Variants in ERBB4 observed in about 807,000 individuals in gnomAD.
The protein encoded by ERBB4 is receptor tyrosine-protein kinase erbB-4.
A neutral mutation model predicts 158.0 loss-of-function variants in ERBB4; 42 were observed. The ratio of observed to expected loss-of-function variants is 0.27; its 90% CI spans 0.21 to 0.34. The LOEUF (loss-of-function observed/expected upper bound fraction) is 0.34, where lower values mean the gene tolerates loss of function less well. Among genes scored for constraint, ERBB4 ranks in the 10% least tolerant of loss-of-function variants. The pLI is 1.00. For missense variants in ERBB4, 1,333 were observed against 1,624.1 expected (o/e 0.82, Z 3.08); for synonymous variants, 583 against 558.7 (o/e 1.04, Z -0.61).
chr2:211,768,166 T>C (rs1268609886), intron 4 of ERBB4, among the ~76,000 whole-genome samples: 1 of 152,204 alleles, frequency 6.6e-6, no homozygotes, highest in Non-Finnish European at 1.5e-5. Flanking sequence ...AACTCTGTAA[T>C]GATCTCCTTT....
chr2:212,370,247 C>G (rs2090040519), intron 1 of ERBB4, among the ~76,000 whole-genome samples: 1 of 152,166 alleles, frequency 6.6e-6, no homozygotes, highest in South Asian at 2.1e-4. Flanking sequence ...TCCTGCTGCC[C>G]TCTGAAGAGG....
At chr2:212,105,605 A>C (rs2079202611) in intron 2 of ERBB4, among the ~76,000 whole-genome samples, 1 of 152,236 alleles carries the variant, frequency 6.6e-6, no homozygotes, top group Non-Finnish European at 1.5e-5. Flanking sequence ...TTTGTGTCGA[A>C]AAATGTTTCA....
At chr2:211,521,645 G>C (rs2066188455) in intron 20 of ERBB4, among the ~76,000 whole-genome samples, 1 of 152,136 alleles carries the variant, frequency 6.6e-6, no homozygotes, top group African/African-American at 2.4e-5. Flanking sequence ...TGCCATCTAG[G>C]ATTTTTATAG....
rs966503196 is a variant in ERBB4, at chr2:211,377,732, T to G, written c.*5883A>C. On this transcript the variant is annotated 3_prime_UTR_variant, in exon 28 of 28. Coordinates refer to ENST00000342788, the MANE Select transcript of ERBB4 (RefSeq NM_005235.3). ...AAGTTAATTTACTGGCAAAAATAAC[T>G]TCTTGGTTATATGTACAGCTTTTAT... The G allele has an allele frequency of 4.3e-6, 1 of 232,378 alleles. No individual in the cohort carries two copies. The highest frequency in any genetic ancestry group is 8.5e-6 in the Non-Finnish European group (1 of 117,574). 14.4% of individuals were successfully genotyped at this position (232,378 alleles called of 1,614,324 possible). A position where few individuals can be genotyped will look rare whatever the true frequency, so the allele number is the denominator to read the frequency against.
At chr2:211,990,158 T>G (rs1046965125) in intron 2 of ERBB4, among the ~76,000 whole-genome samples, 15 of 152,046 alleles carry the variant, frequency 9.9e-5, no homozygotes, top group Admixed American at 4.6e-4. Flanking sequence ...TTAAACAATT[T>G]CTAGGCATTT....
chr2:211,966,250 A>G (rs927655402), intron 2 of ERBB4, among the ~76,000 whole-genome samples: 2 of 151,976 alleles, frequency 1.3e-5, no homozygotes, highest in African/African-American at 4.8e-5. Flanking sequence ...TATTATTATT[A>G]TTATTTTTTG....
At chr2:211,703,227 T>C (rs2073316527) in intron 11 of ERBB4, among the ~76,000 whole-genome samples, 1 of 152,180 alleles carries the variant, frequency 6.6e-6, no homozygotes, top group Non-Finnish European at 1.5e-5. Flanking sequence ...TTGATTACAA[T>C]GTTAGCACAA....
intron 25 of ERBB4, among the ~76,000 whole-genome samples, chr2:211,413,941 C>T (rs1457711648): frequency 2.0e-5 from 3 of 151,778 alleles, no homozygotes; most frequent in African/African-American, 7.3e-5. Flanking sequence ...GGCTCCTCCC[C>T]TGGATAAGGC....
chr2:212,189,081 T>TG (rs1559694291), intron 1 of ERBB4, among the ~76,000 whole-genome samples: 3,975 of 120,926 alleles, frequency 0.033, 207 homozygotes, highest in Non-Finnish European at 0.045. Context: ...AACTTTTTTT[T>TG]TGGGGGGGGG....
chr2:211,718,549 TTG>T (rs1470339332), intron 7 of ERBB4, among the ~76,000 whole-genome samples: 16 of 152,290 alleles, frequency 1.1e-4, no homozygotes, highest in African/African-American at 3.9e-4. Flanking sequence ...TAAGTAATGT[TTG>T]GTGTGAAACA....
At chr2:211,693,222 G>T (rs1209497379) in intron 12 of ERBB4, among the ~76,000 whole-genome samples, 4 of 152,038 alleles carry the variant, frequency 2.6e-5, no homozygotes, top group Non-Finnish European at 4.4e-5. Context: ...TCTCAGAAGA[G>T]ATATGTGTCA....
intron 7 of ERBB4, among the ~76,000 whole-genome samples, chr2:211,717,176 G>A (rs913511473): frequency 6.6e-6 from 1 of 152,170 alleles, no homozygotes; most frequent in African/African-American, 2.4e-5. Flanking sequence ...CTAATTTGAA[G>A]GTAGTAGATT....
intron 1 of ERBB4, among the ~76,000 whole-genome samples, chr2:212,476,679 A>G (rs901198249): frequency 5.9e-5 from 9 of 152,180 alleles, no homozygotes; most frequent in Non-Finnish European, 1.2e-4. Flanking sequence ...TACCAAACAA[A>G]ACTTTATGAA....
At chr2:212,301,720 C>T (rs1020140030) in intron 1 of ERBB4, among the ~76,000 whole-genome samples, 2 of 134,052 alleles carry the variant, frequency 1.5e-5, no homozygotes, top group Admixed American at 7.1e-5. Flanking sequence ...ATTAATGGTC[C>T]CCCCATGCAA....
chr2:211,667,423 T>C (rs2105924607), intron 14 of ERBB4, among the ~76,000 whole-genome samples: 1 of 151,384 alleles, frequency 6.6e-6, no homozygotes, highest in South Asian at 2.1e-4. Context: ...TTCACTATTT[T>C]GCTGTGAGGC....
At chr2:212,462,556 C>T (rs1003364032) in intron 1 of ERBB4, among the ~76,000 whole-genome samples, 1 of 152,098 alleles carries the variant, frequency 6.6e-6, no homozygotes, top group Non-Finnish European at 1.5e-5. Context: ...AATGAGATAT[C>T]ATCACACCCC....
chr2:212,253,543 T>C (rs1480934383), intron 1 of ERBB4, among the ~76,000 whole-genome samples: 2 of 152,312 alleles, frequency 1.3e-5, no homozygotes, highest in South Asian at 2.1e-4. Context: ...ATGTAGGTTC[T>C]GATTCCGTAG....
chr2:212,078,871 T>G (rs1443304097), intron 2 of ERBB4, among the ~76,000 whole-genome samples: 1 of 151,228 alleles, frequency 6.6e-6, no homozygotes, highest in Non-Finnish European at 1.5e-5. Flanking sequence ...TATACTGATA[T>G]TTTTAGTATA....
intron 1 of ERBB4, among the ~76,000 whole-genome samples, chr2:212,188,533 T>C (rs2082097756): frequency 6.6e-6 from 1 of 151,868 alleles, no homozygotes; most frequent in Non-Finnish European, 1.5e-5. Context: ...TACATAAAAG[T>C]ATTCAAAGGC....
Sources: allele counts gnomAD v4.1 joint callset (sites outside exome capture counted in the v4.1 genomes callset), GRCh38; gene constraint gnomAD v4.1.1; transcripts MANE v1.5; gene names NCBI Gene and HGNC (gene_info 2026-07-23, HGNC 2026-07-21).